MARK1: variants seen among roughly 807,000 people sequenced by gnomAD.
MARK1 encodes the protein serine/threonine-protein kinase MARK1.
In MARK1, 40 loss-of-function variants were observed where a neutral mutation model predicts 96.3. That is an observed-to-expected ratio of 0.42 (90% confidence interval 0.32 to 0.54). The LOEUF (loss-of-function observed/expected upper bound fraction) is 0.54, where lower values mean the gene tolerates loss of function less well. Ranked by LOEUF, MARK1 falls within the 20% of genes least tolerant of loss-of-function variation. The pLI, the probability that MARK1 is intolerant of heterozygous loss-of-function variation, is 0.16. For synonymous variants in MARK1, 317 were observed against 341.2 expected, an observed-to-expected ratio of 0.93 and a Z score of 0.78; for missense variants, 719 against 984.6, an observed-to-expected ratio of 0.73 and a Z score of 3.61.
Position 220,579,516 on chromosome 1 carries a change from G to A in MARK1, c.214G>A (p.Ala72Thr), listed in dbSNP as rs763716872. The A allele has an allele frequency of 1.2e-6, 2 of 1,614,018 alleles. No homozygotes were observed. The highest frequency in any genetic ancestry group is 8.5e-7 in the Non-Finnish European group (1 of 1,179,950). Residue 72 changes from alanine (A) to threonine (T), a missense_variant, in exon 2 of 18, where the codon GCC becomes ACC. Coordinates refer to ENST00000366917, the MANE Select transcript of MARK1 (RefSeq NM_018650.5). ...AAAAACAATAGGGAAGGGAAATTTTGCCAAAGTCAAATTGGCAAGACACGT... is the reference window on the plus strand; with the variant it reads ...AAAAACAATAGGGAAGGGAAATTTTACCAAAGTCAAATTGGCAAGACACGT... ...LQKTIGKGNF[A>T]KVKLARHVLT...
At chr1:220,602,529 C>G (rs1037856724) in intron 5 of MARK1, among the ~76,000 whole-genome samples, 4 of 152,146 alleles carry the variant, frequency 2.6e-5, no homozygotes, top group Admixed American at 6.6e-5. Context: ...CTAGGCAGCA[C>G]TTAAGAGTAG....
At chr1:220,594,940 G>T (rs931112836) in intron 3 of MARK1, among the ~76,000 whole-genome samples, 1 of 152,102 alleles carries the variant, frequency 6.6e-6, no homozygotes, top group African/African-American at 2.4e-5. Flanking sequence ...CTAAAATGAT[G>T]GGTACATGTC....
Position 220,591,221 on chromosome 1 carries a change from C to T in MARK1, c.310-7110C>T, listed in dbSNP as rs192251721. Among the ~76,000 whole-genome samples, 20 of 152,202 alleles carry T rather than the reference C, an allele frequency of 1.3e-4. No individual in the cohort carries two copies. The East Asian group carries it at 3.9e-3, about 29-fold the overall frequency. On this transcript the variant is annotated intron_variant, in intron 3 of 17. Coordinates refer to ENST00000366917, the MANE Select transcript of MARK1 (RefSeq NM_018650.5). The stretch of plus-strand genomic sequence containing the variant: ...GAAATAATTAAATAAAAAAACACCC[C>T]AATACTTTTGGAGGAATTCCTGAAG...
At chr1:220,573,644 C>G (rs1304942534) in intron 1 of MARK1, among the ~76,000 whole-genome samples, 1 of 152,062 alleles carries the variant, frequency 6.6e-6, no homozygotes. Flanking sequence ...TTTATTCAGT[C>G]TTCCTGTGTC....
intron 6 of MARK1, among the ~76,000 whole-genome samples, chr1:220,607,834 T>G (rs1422387727): frequency 6.6e-6 from 1 of 151,936 alleles, no homozygotes; most frequent in Non-Finnish European, 1.5e-5. Context: ...TCATTGTTTG[T>G]TGTTTATGTG....
chr1:220,584,515 G>C (rs957159037), intron 3 of MARK1, among the ~76,000 whole-genome samples: 1 of 152,194 alleles, frequency 6.6e-6, no homozygotes, highest in African/African-American at 2.4e-5. Flanking sequence ...CGTGTCTGGT[G>C]TGTTACCTGT....
In MARK1 at chr1:220,528,632, C is replaced by A; in HGVS notation, c.-191C>A. 2.0e-6 allele frequency: 1 copy of A among 500,062 alleles called. No individual in the cohort carries two copies. Among genetic ancestry groups the A allele is most frequent in the Non-Finnish European group, 3.5e-6 (1 of 284,200 alleles). The allele number at this position is 500,062 out of a possible 1,614,324, so 31.0% of individuals were successfully genotyped here. A position where few individuals can be genotyped will look rare whatever the true frequency, so the allele number is the denominator to read the frequency against. On this transcript the variant is annotated 5_prime_UTR_variant, in exon 1 of 18. Coordinates refer to ENST00000366917, the MANE Select transcript of MARK1 (RefSeq NM_018650.5). ...GGCGGCGCCGCCGCGGGAAGCGGCT[C>A]CCCCTCCTCTTCCTCCGCGTCCTCT...
intron 1 of MARK1, chr1:220,571,845 C>G (rs1460139691): frequency 1.3e-5 from 2 of 152,154 alleles, no homozygotes; most frequent in African/African-American, 4.8e-5. Context: ...TGTTTCTGAC[C>G]AGGGCTGGTT....
chr1:220,565,855 A>G (rs1663014862), intron 1 of MARK1, among the ~76,000 whole-genome samples: 2 of 152,204 alleles, frequency 1.3e-5, no homozygotes, highest in African/African-American at 2.4e-5. Flanking sequence ...CTTACCATGT[A>G]GATGAAAGCT....
In MARK1 at chr1:220,663,522, A is replaced by G. The variant is rs1029474166; in HGVS notation, c.*1356A>G. ...TATTTACTGTTGTAATTACTGTAAT[A>G]CCAACATATGGGCCCCATCTGCACA... On this transcript the variant is annotated 3_prime_UTR_variant, in exon 18 of 18. Coordinates refer to ENST00000366917, the MANE Select transcript of MARK1 (RefSeq NM_018650.5). The G allele has an allele frequency of 6.6e-6, 1 of 152,602 alleles. No individual in the cohort carries two copies. Among genetic ancestry groups the G allele is most frequent in the Non-Finnish European group, 1.5e-5 (1 of 68,014 alleles). The allele number at this position is 152,602 out of a possible 1,614,324, so 9.5% of individuals were successfully genotyped here.
chr1:220,597,071 A>G (rs944332846), intron 3 of MARK1, among the ~76,000 whole-genome samples: 1 of 152,092 alleles, frequency 6.6e-6, no homozygotes, highest in Non-Finnish European at 1.5e-5. Context: ...TTTAAGGCTG[A>G]ATAATATTCC....
In MARK1 at chr1:220,650,692, G is replaced by A. The variant is rs780288227; in HGVS notation, c.1543G>A (p.Val515Ile). ...YVCERTTDRY[V>I]ALQNGKDSSL... ...CTGTGAAAGGACCACAGATCGATAC[G>A]TAGCATTGCAGAATGGAAAAGACAG... is the stretch of plus-strand genomic sequence containing the variant. The change falls in exon 14 of 18, where the codon GTA becomes ATA. Residue 515 changes from valine (V) to isoleucine (I), a missense_variant. This residue lies in a region of MARK1 where 501 missense variants were observed against 588.3 expected (regional missense o/e 0.85). Coordinates refer to ENST00000366917, the MANE Select transcript of MARK1 (RefSeq NM_018650.5). The A allele has an allele frequency of 6.2e-6, 10 of 1,613,338 alleles. No homozygotes were observed. The Admixed American group carries it at 6.7e-5, about 11-fold the overall frequency.
chr1:220,560,183 T>C (rs1662568344), intron 1 of MARK1, among the ~76,000 whole-genome samples: 1 of 152,148 alleles, frequency 6.6e-6, no homozygotes, highest in Non-Finnish European at 1.5e-5. Flanking sequence ...TGCCCCCCCA[T>C]GATTCGTTTA....
intron 9 of MARK1, chr1:220,626,546 T>A: frequency 2.1e-6 from 1 of 481,520 alleles, no homozygotes. Context: ...CATGCTGGCC[T>A]GTCGTGGTGG....
chr1:220,608,471 G>A (rs183513070), intron 6 of MARK1, among the ~76,000 whole-genome samples: 8 of 151,898 alleles, frequency 5.3e-5, no homozygotes, highest in Admixed American at 3.9e-4. Context: ...CTTGCTACTG[G>A]TCTATCAATT....
chr1:220,577,945 G>A (rs569620694), intron 1 of MARK1, among the ~76,000 whole-genome samples: 1 of 152,134 alleles, frequency 6.6e-6, no homozygotes, highest in Non-Finnish European at 1.5e-5. Flanking sequence ...TTAATCCTGA[G>A]CTGAGTTTTA....
intron 1 of MARK1, among the ~76,000 whole-genome samples, chr1:220,578,728 T>A (rs1664034291): frequency 6.6e-6 from 1 of 152,238 alleles, no homozygotes; most frequent in South Asian, 2.1e-4. Context: ...AGCTATACTG[T>A]CATCACAACC....
intron 9 of MARK1, chr1:220,626,978 C>G: frequency 1.9e-6 from 1 of 519,348 alleles, no homozygotes; most frequent in African/African-American, 1.9e-5. Context: ...TACAGAGATC[C>G]CTAATGAGCT....
chr1:220,536,833 A>C (rs1399121677), intron 1 of MARK1, among the ~76,000 whole-genome samples: 1 of 152,180 alleles, frequency 6.6e-6, no homozygotes, highest in Non-Finnish European at 1.5e-5. Flanking sequence ...TACCTGCCTC[A>C]GCCTGCCAAA....
Sources: gnomAD v4.1 joint callset for allele counts (sites outside exome capture counted in the v4.1 genomes callset) on GRCh38, gnomAD v4.1.1 for gene constraint, gnomAD v4.1.1 regional missense constraint, MANE v1.5 for transcripts, NCBI Gene and HGNC (gene_info 2026-07-23, HGNC 2026-07-21) for gene names.